The following TRIM14 variants were observed in gnomAD, a reference collection of about 807,000 sequenced individuals.
TRIM14 encodes the protein tripartite motif containing 14.
Under a neutral mutation model 44.5 loss-of-function variants are expected in TRIM14, and 28 were observed. That is an observed-to-expected ratio of 0.63 (90% CI 0.47 to 0.86). The LOEUF is 0.86. TRIM14 is among the 40% of genes least tolerant of loss of function. The probability of loss-of-function intolerance (pLI) is 0.00; values close to 1 mark genes in which losing one functional copy is unlikely to be tolerated. For missense variants in TRIM14, 607 were observed against 611.1 expected, an observed-to-expected ratio of 0.99 and a Z score of 0.07; for synonymous variants, 299 against 269.2, an observed-to-expected ratio of 1.11 and a Z score of -1.08.
chr9:98,083,394 G>A (rs944815185), downstream of TRIM14, among the ~76,000 whole-genome samples: 2 of 152,224 alleles, frequency 1.3e-5, no homozygotes, highest in East Asian at 1.9e-4. Context: ...GGCTGCACAT[G>A]TCCTTTCCTT....
chr9:98,113,069 T>C (rs979557983), intron 1 of TRIM14, among the ~76,000 whole-genome samples: 28 of 132,928 alleles, frequency 2.1e-4, no homozygotes, highest in Non-Finnish European at 3.0e-5. Context: ...AGGCAGTTCA[T>C]GCCACTGCAC....
At chr9:98,116,505 G>A (rs1317623260) in intron 1 of TRIM14, among the ~76,000 whole-genome samples, 2 of 152,030 alleles carry the variant, frequency 1.3e-5, no homozygotes, top group African/African-American at 4.8e-5. Flanking sequence ...GTCTGATGGT[G>A]AATCCTTGGT....
chr9:98,112,329 G>A (rs1437381018), intron 1 of TRIM14, among the ~76,000 whole-genome samples: 1 of 152,154 alleles, frequency 6.6e-6, no homozygotes, highest in African/African-American at 2.4e-5. Flanking sequence ...TTGCATGAGA[G>A]AGAACTTTGT....
At chr9:98,099,028 T>C (rs938716604) in intron 3 of TRIM14, among the ~76,000 whole-genome samples, 2 of 152,150 alleles carry the variant, frequency 1.3e-5, no homozygotes, top group Non-Finnish European at 2.9e-5. Context: ...ACAGGGGCTA[T>C]TTCTTAGACT....
chr9:98,053,184 G>A, the TRIM14 span, among the ~76,000 whole-genome samples: 4 of 152,186 alleles, frequency 2.6e-5, no homozygotes, highest in Non-Finnish European at 5.9e-5. Flanking sequence ...CTGAGCTACC[G>A]CATTAAGCAC....
downstream of TRIM14, among the ~76,000 whole-genome samples, chr9:98,083,297 T>G (rs1325449936): frequency 1.3e-5 from 2 of 152,122 alleles, no homozygotes; most frequent in Non-Finnish European, 2.9e-5. Flanking sequence ...AACAGTGCAT[T>G]ATAAACAGAG....
downstream of TRIM14, among the ~76,000 whole-genome samples, chr9:98,066,726 C>CTG (rs1829159746): frequency 6.6e-6 from 1 of 151,828 alleles, no homozygotes; most frequent in Non-Finnish European, 1.5e-5. Flanking sequence ...TCTTGGCTCA[C>CTG]TGCAACCTCC....
the TRIM14 span, among the ~76,000 whole-genome samples, chr9:98,050,772 T>C: frequency 2.6e-5 from 4 of 152,156 alleles, no homozygotes; most frequent in African/African-American, 9.7e-5. Flanking sequence ...GGTGTCCTCA[T>C]GGTTGCACAT....
chr9:98,099,178 T>C (rs1296551140), intron 3 of TRIM14, among the ~76,000 whole-genome samples: 3 of 151,858 alleles, frequency 2.0e-5, no homozygotes, highest in African/African-American at 7.3e-5. Flanking sequence ...GCAGGCTGAT[T>C]GCGGTGGCTC....
chr9:98,118,786 C>T (rs1349317738), intron 1 of TRIM14, among the ~76,000 whole-genome samples, 196 bp downstream of exon 1: 3 of 152,340 alleles, frequency 2.0e-5, no homozygotes, highest in South Asian at 2.1e-4. Flanking sequence ...GGCTTTGGCT[C>T]GCCTTTGCCC....
chr9:98,087,802 C>T lies in TRIM14; in HGVS notation c.997G>A (p.Ala333Thr), dbSNP rs757984725. The T allele has an allele frequency of 1.1e-5, 16 of 1,505,474 alleles. No homozygotes were observed. The highest frequency in any genetic ancestry group is 4.3e-5 in the African/African-American group (3 of 69,076). The allele number at this position is 1,505,474 out of a possible 1,614,324, so 93.3% of individuals were successfully genotyped here. A position where few individuals can be genotyped will look rare whatever the true frequency, so the allele number is the denominator to read the frequency against. The change falls in exon 6 of 6, where the codon GCC becomes ACC. Residue 333 changes from alanine to threonine, a missense_variant. Physicochemically the swap from Ala to Thr is moderately conservative, Grantham distance 58. Around this residue, in one of 3 missense-constraint regions of TRIM14, gnomAD observed 356 missense variants for 323.0 expected, o/e 1.10. Coordinates refer to ENST00000341469, the MANE Select transcript of TRIM14 (RefSeq NM_014788.4). ...TAGGCCGCGCCCACCCACCAGCCGG[C>T]GCCCGCCTCCTGCACGTCAACCTCC... is the stretch of plus-strand genomic sequence containing the variant. The part of the protein sequence containing the change: ...YWEVDVQEAG[A>T]GWWVGAAYAS...
At chr9:98,068,118 A>G (rs1356179642), downstream of TRIM14, among the ~76,000 whole-genome samples, 3 of 151,760 alleles carry the variant, frequency 2.0e-5, no homozygotes, top group Non-Finnish European at 2.9e-5. Context: ...TTATCTATTT[A>G]TATGTTTAAA....
chr9:98,110,330 G>A (rs970272448), intron 1 of TRIM14: 5 of 303,904 alleles, frequency 1.6e-5, no homozygotes. Flanking sequence ...TCTACTTATG[G>A]AGTATTAACT....
intron 6 of TRIM14, among the ~76,000 whole-genome samples, chr9:98,072,560 G>A (rs371039136): frequency 2.0e-3 from 303 of 152,054 alleles, no homozygotes; most frequent in African/African-American, 6.9e-3. Flanking sequence ...ACAGGTGCCC[G>A]CTACCATGCC....
At chr9:98,051,661 T>C in the TRIM14 span, among the ~76,000 whole-genome samples, 5 of 152,196 alleles carry the variant, frequency 3.3e-5, no homozygotes, top group South Asian at 6.2e-4. Context: ...ATGATGTGGG[T>C]TAAGAGGAGT....
chr9:98,056,623 C>T, the TRIM14 span: 12 of 880,328 alleles, frequency 1.4e-5, no homozygotes, highest in Non-Finnish European at 1.9e-5. Context: ...CCGCCCCCGC[C>T]CCCCGCCCCG....
At chr9:98,036,645 T>C in the TRIM14 span, among the ~76,000 whole-genome samples, 4 of 151,340 alleles carry the variant, frequency 2.6e-5, no homozygotes, top group Non-Finnish European at 5.9e-5. Flanking sequence ...CTACTGAAAA[T>C]ACAGTATTAG....
chr9:98,115,451 T>A (rs1488184353), intron 1 of TRIM14, among the ~76,000 whole-genome samples: 1 of 152,232 alleles, frequency 6.6e-6, no homozygotes, highest in African/African-American at 2.4e-5. Context: ...GGTTTCACCA[T>A]GTTGGTCATA....
chr9:98,090,097 C>G (rs2118245301), intron 5 of TRIM14, among the ~76,000 whole-genome samples: 1 of 152,178 alleles, frequency 6.6e-6, no homozygotes, highest in East Asian at 1.9e-4. Context: ...TTCTATTCAA[C>G]AATGTTCTAA....
Sources: allele counts gnomAD v4.1 joint callset (sites outside exome capture counted in the v4.1 genomes callset), GRCh38; gene constraint gnomAD v4.1.1; regional missense constraint gnomAD v4.1.1; transcripts MANE v1.5; gene names NCBI Gene and HGNC (gene_info 2026-07-23, HGNC 2026-07-21).